The following UBR4 variants were observed in gnomAD, a reference collection of about 807,000 sequenced individuals.
UBR4 encodes the protein E3 ubiquitin-protein ligase UBR4.
Under a neutral mutation model 575.6 loss-of-function variants are expected in UBR4, and 124 were observed. The observed-to-expected ratio is 0.22, with a 90% CI of 0.19 to 0.25. UBR4 has a LOEUF of 0.25. Among genes scored for constraint, UBR4 ranks in the 10% least tolerant of loss-of-function variants. The probability of loss-of-function intolerance (pLI) is 1.00; values close to 1 mark genes in which losing one functional copy is unlikely to be tolerated. For synonymous variants in UBR4, 2,455 were observed against 2,473.7 expected (o/e 0.99, Z 0.22); for missense variants, 4,818 against 6,478.8 (o/e 0.74, Z 8.80).
intron 101 of UBR4, 84 bp from the exon 102 acceptor site, chr1:19,084,782 C>T: frequency 4.5e-6 from 6 of 1,333,434 alleles, no homozygotes; most frequent in Non-Finnish European, 6.2e-6. Context: ...CCTTCCAGTA[C>T]TCCCAGGCCT....
chr1:19,123,026 C>A lies in UBR4; in HGVS notation c.9623G>T (p.Arg3208Leu). The change falls in exon 66 of 106, where the codon CGT becomes CTT. Residue 3208 changes from arginine to leucine, a missense_variant. By Grantham distance (102) the Arg-to-Leu change is moderately radical. This residue lies in a region of UBR4 where 550 missense variants were observed against 791.5 expected (regional missense o/e 0.69). Transcript: ENST00000375254. ...LMIQQTPFVR[R>L]QVRKLLLFIC... The stretch of plus-strand genomic sequence containing the variant: ...GAAGAGCAGAAGTTTGCGGACTTGA[C>A]GGCGCACAAATGGAGTCTGCTGGAT... The A allele has an allele frequency of 6.2e-7, 1 of 1,614,132 alleles. No homozygotes were observed. The highest frequency in any genetic ancestry group is 8.5e-7 in the Non-Finnish European group (1 of 1,180,012).
intron 65 of UBR4, 111 bp from the exon 66 acceptor site, chr1:19,123,171 G>C (rs1385085268): frequency 8.4e-7 from 1 of 1,190,228 alleles, no homozygotes; most frequent in African/African-American, 1.5e-5. Context: ...CTGGGGACAG[G>C]CCGGGCACGG....
In UBR4 at chr1:19,184,034, C is replaced by T. The variant is rs756449822; in HGVS notation, c.2080G>A (p.Asp694Asn). 3.7e-6 allele frequency: 6 copies of T among 1,614,106 alleles called. No homozygotes were observed. The highest frequency in any genetic ancestry group is 4.2e-6 in the Non-Finnish European group (5 of 1,179,992). The change falls in exon 16 of 106, where the codon GAC becomes AAC. Residue 694 changes from aspartate (D) to asparagine (N), a missense_variant. Physicochemically the swap from Asp to Asn is conservative, Grantham distance 23. This residue lies in a region of UBR4 where 1,172 missense variants were observed against 1,259.7 expected (regional missense o/e 0.93). Coordinates refer to ENST00000375254, the MANE Select transcript of UBR4 (RefSeq NM_020765.3). ...TACTGACCCTTGAGTCCATCTTTGTCCACCTCCTTGATGATACTGGCTAGG... is the reference window on the plus strand; with the variant it reads ...TACTGACCCTTGAGTCCATCTTTGTTCACCTCCTTGATGATACTGGCTAGG... ...ATLASIIKEV[D>N]KDGLKGSSDE...
Position 19,201,829 on chromosome 1 carries a change from A to G in UBR4, c.177-14T>C. 1 of 1,611,862 alleles carries G rather than the reference A, an allele frequency of 6.2e-7. No homozygotes were observed. The highest frequency in any genetic ancestry group is 8.5e-7 in the Non-Finnish European group (1 of 1,178,210). The stretch of plus-strand genomic sequence containing the variant: ...ATTTCTGATTCACTGTAAAAATAAT[A>G]ATAATTCAGCCAGCATCTGCTTAGC... On this transcript the variant is annotated splice_polypyrimidine_tract_variant and intron_variant, in intron 1 of 105. Transcript: ENST00000375254.
intron 100 of UBR4, 39 bp downstream of exon 100, chr1:19,086,640 G>C (rs764226887): frequency 1.2e-6 from 2 of 1,607,876 alleles, no homozygotes; most frequent in Admixed American, 3.4e-5. Context: ...CCACAGGCAG[G>C]CCTACTGAAG....
intron 1 of UBR4, among the ~76,000 whole-genome samples, chr1:19,205,228 C>T (rs1426281259): frequency 1.3e-5 from 2 of 152,088 alleles, no homozygotes; most frequent in Non-Finnish European, 2.9e-5. Context: ...GCAGACAGGT[C>T]AGAGAAATCC....
chr1:19,137,205 T>C (rs573280831), intron 60 of UBR4, among the ~76,000 whole-genome samples: 1 of 150,822 alleles, frequency 6.6e-6, no homozygotes, highest in South Asian at 2.1e-4. Flanking sequence ...GAGGCTGAGG[T>C]AGGAGAATCA....
In UBR4 at chr1:19,099,641, G is replaced by A. The variant is rs1393367669; in HGVS notation, c.13258C>T (p.Pro4420Ser). Residue 4420 changes from proline to serine, a missense_variant, in exon 90 of 106, where the codon CCT becomes TCT. This residue lies in a region of UBR4 where 19 missense variants were observed against 53.9 expected (regional missense o/e 0.35). Coordinates refer to ENST00000375254, the MANE Select transcript of UBR4 (RefSeq NM_020765.3). Reference sequence around the variant, plus strand: ...ACTTTCTTGTAAACTTCAGCCACAGGAAGGTCCAAACTAATGATTTTATTG... The same window carrying A: ...ACTTTCTTGTAAACTTCAGCCACAGAAAGGTCCAAACTAATGATTTTATTG... ...VNNKIISLDL[P>S]VAEVYKKVWC... 1 of 1,613,954 alleles carries A rather than the reference G, an allele frequency of 6.2e-7. No homozygotes were observed. Among genetic ancestry groups the A allele is most frequent in the African/African-American group, 1.3e-5 (1 of 75,050 alleles).
rs2149649502 is a variant in UBR4, at chr1:19,128,990, G to A, written c.8991C>T (p.Ile2997=). 1 of 1,614,082 alleles carries A rather than the reference G, an allele frequency of 6.2e-7. No homozygotes were observed. Among genetic ancestry groups the A allele is most frequent in the South Asian group, 1.1e-5 (1 of 91,086 alleles). ...AGCTAAGAGATACCTGCATGTATGG[G>A]ATGGCCCGGACACCGCCAACGTTTC... ...QLRNVGGVRA[I]PYMQVILMLT... Residue 2997 remains isoleucine, a synonymous_variant, in exon 61 of 106, where the codon ATC becomes ATT. Transcript: ENST00000375254.
chr1:19,207,961 TCTA>T (rs1480498305), intron 1 of UBR4, among the ~76,000 whole-genome samples: 1 of 152,208 alleles, frequency 6.6e-6, no homozygotes, highest in East Asian at 1.9e-4. Flanking sequence ...CCCAAAATTA[TCTA>T]CTATCTGGCC....
rs2080194750 is a variant in UBR4 at position 19,113,939 on chromosome 1, G to C, written c.11328+6C>G. ...TATCCAAATGCCCTTTGCAGCGTGG[G>C]ACTACCTGTGGCTTTTCTGGAGCTG... is the stretch of plus-strand genomic sequence containing the variant. On this transcript the variant is annotated splice_donor_region_variant and intron_variant, in intron 76 of 105. Transcript: ENST00000375254. 6.2e-7 allele frequency: 1 copy of C among 1,614,092 alleles called. No individual in the cohort carries two copies. The highest frequency in any genetic ancestry group is 1.3e-5 in the African/African-American group (1 of 74,936).
At chr1:19,096,392 C>A in intron 92 of UBR4, 131 bp downstream of exon 92, 1 of 1,409,240 alleles carries the variant, frequency 7.1e-7, no homozygotes, top group South Asian at 1.6e-5. Context: ...AGGTCCTTCA[C>A]TGGCTCGCAC....
chr1:19,147,747 T>C (rs1054062582), intron 51 of UBR4, among the ~76,000 whole-genome samples: 2 of 152,148 alleles, frequency 1.3e-5, no homozygotes, highest in African/African-American at 4.8e-5. Context: ...TTCTCTTTCT[T>C]AAGTCTTGTT....
Position 19,186,573 on chromosome 1 carries a change from C to A in UBR4, c.1717G>T (p.Asp573Tyr). The change falls in exon 14 of 106, where the codon GAT becomes TAT. Residue 573 changes from aspartate to tyrosine, a missense_variant. By Grantham distance (160) the Asp-to-Tyr change is radical (BLOSUM62 -3). Around this residue, in one of 29 missense-constraint regions of UBR4, gnomAD observed 162 missense variants for 216.4 expected, o/e 0.75. Coordinates refer to ENST00000375254, the MANE Select transcript of UBR4 (RefSeq NM_020765.3). ...CTGTCCTCCTCCGTGCTACTGAAAT[C>A]GTCCTCATAGTAAGTATTGGAGTCG... ...STDSNTYYED[D>Y]FSSTEEDSSQ... 6.2e-7 allele frequency: 1 copy of A among 1,614,056 alleles called. No individual in the cohort carries two copies. The highest frequency in any genetic ancestry group is 8.5e-7 in the Non-Finnish European group (1 of 1,179,982).
intron 71 of UBR4, chr1:19,118,288 T>C (rs1311221474): frequency 1.2e-5 from 2 of 169,240 alleles, no homozygotes; most frequent in South Asian, 3.2e-4. Context: ...GAACAGTCAC[T>C]ACTAAACCAG....
At position 19,210,076 on chromosome 1, in the gene UBR4, T is replaced by G; in HGVS notation, c.173A>C (p.Glu58Ala). The change falls in exon 1 of 106, where the codon GAG becomes GCG. Residue 58 changes from glutamate to alanine, a missense_variant. Physicochemically the swap from Glu to Ala is moderately radical, Grantham distance 107 (BLOSUM62 -1). Around this residue, in one of 29 missense-constraint regions of UBR4, gnomAD observed 95 missense variants for 87.7 expected, o/e 1.08. Transcript: ENST00000375254. ...ELPQLVASVI[E>A]SESEILHHEK... ...CGCCAGAGCCGCCGCCCGGTACCTC[T>G]CGATGACTGAGGCCACCAGCTGCGG... 6.4e-7 allele frequency: 1 copy of G among 1,561,992 alleles called. No individual in the cohort carries two copies. Among genetic ancestry groups the G allele is most frequent in the Non-Finnish European group, 8.6e-7 (1 of 1,156,322 alleles).
chr1:19,153,244 C>T lies in UBR4; in HGVS notation c.6832+57G>A. 3 of 1,558,440 alleles carry T rather than the reference C, an allele frequency of 1.9e-6. No individual in the cohort carries two copies. Among genetic ancestry groups the T allele is most frequent in the South Asian group, 2.2e-5 (2 of 89,260 alleles). ...ATTTTCAACAGTCTATTCTGAGTCA[C>T]TGTCTAGAAGACCACCATTCCTACT... On this transcript the variant is annotated intron_variant, in intron 46 of 105. Transcript: ENST00000375254. The surrounding 1 kb of genome is among the most constrained non-coding windows in gnomAD (Gnocchi z 4.1).
chr1:19,117,479 A>C lies in UBR4; in HGVS notation c.10630-65T>G, dbSNP rs2080675636. On this transcript the variant is annotated intron_variant, in intron 72 of 105. Transcript: ENST00000375254. This position sits in a 1 kb window ranked among gnomAD's most constrained non-coding sequence, Gnocchi z 4.0. ...ACTCGTACTGCCTTTTTAAAAATTC[A>C]TCAGTGTAACCCACTCTTCATCCAC... is the stretch of plus-strand genomic sequence containing the variant. The C allele has an allele frequency of 6.5e-7, 1 of 1,541,680 alleles. No homozygotes were observed. Among genetic ancestry groups the C allele is most frequent in the African/African-American group, 1.4e-5 (1 of 73,180 alleles).
intron 8 of UBR4, among the ~76,000 whole-genome samples, chr1:19,195,781 T>G (rs2092412116): frequency 6.6e-6 from 1 of 152,148 alleles, no homozygotes; most frequent in African/African-American, 2.4e-5. Context: ...CAAAATACCT[T>G]GTACAGTACA....
Sources: gnomAD v4.1 joint callset for allele counts (sites outside exome capture counted in the v4.1 genomes callset) on GRCh38, gnomAD v4.1.1 for gene constraint, gnomAD v4.1.1 regional missense constraint, Gnocchi (gnomAD v3.1) non-coding constraint, MANE v1.5 for transcripts, NCBI Gene and HGNC (gene_info 2026-07-23, HGNC 2026-07-21) for gene names.